Variants in NOL4 observed in about 807,000 individuals in gnomAD.
The protein encoded by NOL4 is cancer/testis antigen 125.
A neutral mutation model predicts 75.9 loss-of-function variants in NOL4; 17 were observed. That is an observed-to-expected ratio of 0.22 (90% CI 0.15 to 0.34). NOL4 has a LOEUF of 0.34. Ranked by LOEUF, NOL4 falls within the 10% of genes least tolerant of loss-of-function variation. NOL4 has a pLI of 1.00. For missense variants in NOL4, 614 were observed against 793.5 expected (o/e 0.77, Z 2.72); for synonymous variants, 292 against 289.9 (o/e 1.01, Z -0.07).
chr18:34,222,954 C>G (rs375845343), intron 1 of NOL4, 36 bp downstream of exon 1: 2 of 1,595,360 alleles, frequency 1.3e-6, no homozygotes, highest in South Asian at 2.2e-5. Flanking sequence ...CGGGCTGCTC[C>G]GGCAGACAAA....
chr18:33,884,690 C>A (rs1334150453), intron 9 of NOL4, among the ~76,000 whole-genome samples: 1 of 151,318 alleles, frequency 6.6e-6, no homozygotes, highest in Non-Finnish European at 1.5e-5. Context: ...TTTTTTGTCA[C>A]AATCAGAAGT....
chr18:34,020,557 A>G (rs925783850), intron 5 of NOL4, among the ~76,000 whole-genome samples: 1 of 152,212 alleles, frequency 6.6e-6, no homozygotes, highest in Non-Finnish European at 1.5e-5. Flanking sequence ...GTAAACATTT[A>G]TACCAGTGTT....
chr18:33,937,427 C>T (rs1382466062), intron 9 of NOL4, among the ~76,000 whole-genome samples: 1 of 152,134 alleles, frequency 6.6e-6, no homozygotes, highest in Non-Finnish European at 1.5e-5. Flanking sequence ...TGTGGCTAAC[C>T]ACTGGCAGCA....
At chr18:34,084,849 A>G (rs2078174173) in intron 5 of NOL4, among the ~76,000 whole-genome samples, 1 of 152,198 alleles carries the variant, frequency 6.6e-6, no homozygotes, top group Non-Finnish European at 1.5e-5. Flanking sequence ...CACAGCTGGC[A>G]TGCAACACCA....
intron 8 of NOL4, among the ~76,000 whole-genome samples, chr18:33,949,729 G>A (rs2145644569): frequency 6.6e-6 from 1 of 152,094 alleles, no homozygotes; most frequent in East Asian, 1.9e-4. Flanking sequence ...CTTTGTCTAG[G>A]CTTTGATTAG....
intron 5 of NOL4, among the ~76,000 whole-genome samples, chr18:34,089,417 C>T (rs564911179): frequency 6.6e-6 from 1 of 152,262 alleles, no homozygotes; most frequent in Non-Finnish European, 1.5e-5. Context: ...CTGCAGAGAA[C>T]AGAGTTTAAC....
At position 34,212,889 on chromosome 18, in the gene NOL4, G is replaced by C. The variant is rs1442776152; in HGVS notation, c.264+10101C>G. ...AAACCACCCTGACTTCCCCTTCTTG[G>C]ACTAGCCAGGAAAATACTCCCTGCT... is the stretch of plus-strand genomic sequence containing the variant. On this transcript the variant is annotated intron_variant, in intron 1 of 10. Transcript: ENST00000261592. Among the ~76,000 whole-genome samples, 2 of 152,200 alleles carry C rather than the reference G, an allele frequency of 1.3e-5. 1 individual carries two copies. Among genetic ancestry groups the C allele is most frequent in the South Asian group, 4.1e-4 (2 of 4,824 alleles).
chr18:34,000,463 A>G (rs2073618703), intron 6 of NOL4, among the ~76,000 whole-genome samples: 1 of 152,144 alleles, frequency 6.6e-6, no homozygotes, highest in South Asian at 2.1e-4. Context: ...TAGAGTAAGG[A>G]AATTTAAACC....
intron 2 of NOL4, among the ~76,000 whole-genome samples, chr18:34,122,179 C>G (rs749681433): frequency 1.3e-5 from 2 of 152,094 alleles, no homozygotes; most frequent in African/African-American, 4.8e-5. Context: ...AAAGTGTTCA[C>G]TCTGAGAGGA....
chr18:34,045,683 T>TA (rs2144873507), intron 5 of NOL4, among the ~76,000 whole-genome samples: 1 of 152,254 alleles, frequency 6.6e-6, no homozygotes, highest in South Asian at 2.1e-4. Context: ...AGCATATAGA[T>TA]AAAAAATTTT....
rs79247007 is a variant in NOL4, at chr18:34,085,450, G to A, written c.772+8015C>T. ...CAGTAAAATTTCAAATTAATCTGAC[G>A]TCCTTCACTGATCAGATTAGACTCT... On this transcript the variant is annotated intron_variant, in intron 5 of 10. Transcript: ENST00000261592. 3.3e-4 allele frequency among the ~76,000 whole-genome samples: 50 copies of A among 152,184 alleles called. No homozygotes were observed. The East Asian group carries it at 8.3e-3, about 25-fold the overall frequency.
At chr18:33,907,915 G>A (rs901519698) in intron 9 of NOL4, among the ~76,000 whole-genome samples, 4 of 152,220 alleles carry the variant, frequency 2.6e-5, no homozygotes, top group Middle Eastern at 3.4e-3. Context: ...TGTTTTGACT[G>A]TAACATTTTA....
intron 5 of NOL4, among the ~76,000 whole-genome samples, chr18:34,077,160 T>G (rs914503932): frequency 6.6e-6 from 1 of 151,628 alleles, no homozygotes; most frequent in Non-Finnish European, 1.5e-5. Flanking sequence ...ACAAAACAAA[T>G]AGCTGGGCAT....
chr18:33,956,980 T>C (rs1056966277), intron 8 of NOL4, among the ~76,000 whole-genome samples: 21 of 152,100 alleles, frequency 1.4e-4, no homozygotes, highest in Non-Finnish European at 2.5e-4. Flanking sequence ...ACAACTTAAA[T>C]AACCTCATGC....
At chr18:34,037,074 A>G (rs1300629762) in intron 5 of NOL4, among the ~76,000 whole-genome samples, 1 of 152,232 alleles carries the variant, frequency 6.6e-6, no homozygotes, top group East Asian at 1.9e-4. Flanking sequence ...CAAATTTAGT[A>G]GAATTGCAGA....
At chr18:34,024,225 T>A (rs533810358) in intron 5 of NOL4, among the ~76,000 whole-genome samples, 7 of 98,210 alleles carry the variant, frequency 7.1e-5, no homozygotes, top group African/African-American at 2.6e-4. Flanking sequence ...AAAATCCTCA[T>A]TTTAACATTA....
At chr18:33,883,466 T>G (rs923944759) in intron 9 of NOL4, 42 bp from the exon 10 acceptor site, 10 of 1,517,810 alleles carry the variant, frequency 6.6e-6, no homozygotes, top group Non-Finnish European at 8.9e-6. Flanking sequence ...CACCTCACAG[T>G]GCTATTTCAC....
At chr18:34,135,713 C>CAAAAAAAAAAAA (rs1568380851) in intron 1 of NOL4, among the ~76,000 whole-genome samples, 1 of 23,926 alleles carries the variant, frequency 4.2e-5, no homozygotes, top group Non-Finnish European at 9.7e-5. Context: ...AAAAAAAAAG[C>CAAAAAAAAAAAA]TTTTCACACA....
At chr18:34,189,497 A>G (rs117737825) in intron 1 of NOL4, among the ~76,000 whole-genome samples, 35 of 152,270 alleles carry the variant, frequency 2.3e-4, no homozygotes, top group Non-Finnish European at 4.3e-4. Flanking sequence ...TTCAGCAAAA[A>G]TTCATTGGGT....
Sources: gnomAD v4.1 joint callset for allele counts (sites outside exome capture counted in the v4.1 genomes callset) on GRCh38, gnomAD v4.1.1 for gene constraint, MANE v1.5 for transcripts, NCBI Gene and HGNC (gene_info 2026-07-23, HGNC 2026-07-21) for gene names.